Variants in CNTNAP2 observed in about 807,000 individuals in gnomAD.
CNTNAP2 encodes the protein contactin associated protein 2, also known as contactin-associated protein-like 2.
A neutral mutation model predicts 155.2 loss-of-function variants in CNTNAP2; 98 were observed. The observed-to-expected ratio is 0.63, with a 90% confidence interval of 0.54 to 0.75. CNTNAP2 has a LOEUF of 0.75. CNTNAP2 is among the 30% of genes least tolerant of loss of function. The pLI is 0.00. For synonymous variants in CNTNAP2, 651 were observed against 631.2 expected (o/e 1.03, Z -0.47); for missense variants, 1,727 against 1,688.1 (o/e 1.02, Z -0.40).
At chr7:148,061,477 C>A (rs1803128716) in intron 15 of CNTNAP2, among the ~76,000 whole-genome samples, 1 of 152,078 alleles carries the variant, frequency 6.6e-6, no homozygotes, top group Non-Finnish European at 1.5e-5. Flanking sequence ...CCTCAGTTTC[C>A]CAAGTAGCTG....
At chr7:148,242,167 C>A (rs894040681) in intron 20 of CNTNAP2, among the ~76,000 whole-genome samples, 1 of 152,176 alleles carries the variant, frequency 6.6e-6, no homozygotes, top group Non-Finnish European at 1.5e-5. Flanking sequence ...ACTGTTATAT[C>A]CATCTGCAGT....
intron 1 of CNTNAP2, among the ~76,000 whole-genome samples, chr7:146,729,671 T>A (rs1010080826): frequency 1.3e-5 from 2 of 152,098 alleles, no homozygotes; most frequent in African/African-American, 4.8e-5. Context: ...TAAATTACTA[T>A]CCCTTATGAT....
intron 3 of CNTNAP2, among the ~76,000 whole-genome samples, chr7:146,904,473 TG>T (rs1322845271): frequency 6.6e-5 from 10 of 151,506 alleles, no homozygotes; most frequent in Non-Finnish European, 1.5e-4. Flanking sequence ...AATTCATCTT[TG>T]TTTGTTTGTT....
chr7:146,245,083 C>T, intron 1 of CNTNAP2, among the ~76,000 whole-genome samples: 1 of 152,098 alleles, frequency 6.6e-6, no homozygotes, highest in Non-Finnish European at 1.5e-5. Flanking sequence ...TGTACTATAG[C>T]ATAGCCTGCC....
intron 13 of CNTNAP2, among the ~76,000 whole-genome samples, chr7:147,768,854 C>T (rs1423215217): frequency 4.5e-5 from 6 of 133,216 alleles, no homozygotes; most frequent in Non-Finnish European, 7.7e-5. Flanking sequence ...GGCAGATACT[C>T]TTAAAATTAG....
chr7:148,040,471 A>G (rs762487093), intron 15 of CNTNAP2, among the ~76,000 whole-genome samples: 2 of 152,182 alleles, frequency 1.3e-5, no homozygotes, highest in Middle Eastern at 3.2e-3. Flanking sequence ...ATATTTTTCA[A>G]CTTTCTAGGT....
intron 21 of CNTNAP2, among the ~76,000 whole-genome samples, chr7:148,290,100 T>G (rs1380305099): frequency 6.6e-6 from 1 of 152,218 alleles, no homozygotes; most frequent in Non-Finnish European, 1.5e-5. Context: ...AAGTCATATT[T>G]AAGTAGTCAC....
intron 4 of CNTNAP2, among the ~76,000 whole-genome samples, chr7:147,045,536 T>G (rs1799340267): frequency 6.6e-6 from 1 of 152,174 alleles, no homozygotes; most frequent in African/African-American, 2.4e-5. Context: ...GCAGATAAAA[T>G]TAGTAGAGAG....
intron 1 of CNTNAP2, among the ~76,000 whole-genome samples, chr7:146,372,912 T>C (rs1372909117): frequency 3.9e-5 from 6 of 152,362 alleles, no homozygotes; most frequent in African/African-American, 1.4e-4. Context: ...ACAAACCTTG[T>C]TCATTCAGAT....
chr7:146,483,280 AAAATATAT>A (rs1172099936), intron 1 of CNTNAP2, among the ~76,000 whole-genome samples: 7 of 54,470 alleles, frequency 1.3e-4, no homozygotes, highest in Admixed American at 7.7e-4. Flanking sequence ...CGTCTAAAAA[AAAATATAT>A]ATATATATAT....
chr7:147,067,088 C>G (rs755093302), intron 4 of CNTNAP2, among the ~76,000 whole-genome samples: 1 of 152,028 alleles, frequency 6.6e-6, no homozygotes, highest in Non-Finnish European at 1.5e-5. Flanking sequence ...GTCAAGAGAC[C>G]GAGGCCATCC....
intron 1 of CNTNAP2, among the ~76,000 whole-genome samples, chr7:146,139,047 C>T (rs1399768776): frequency 6.6e-6 from 1 of 152,104 alleles, no homozygotes; most frequent in Non-Finnish European, 1.5e-5. Context: ...ATGCTCAGAA[C>T]ACTGACATTA....
chr7:146,969,704 G>C (rs1486107389), intron 3 of CNTNAP2, among the ~76,000 whole-genome samples: 1 of 151,476 alleles, frequency 6.6e-6, no homozygotes, highest in Non-Finnish European at 1.5e-5. Flanking sequence ...GCCTATGTGT[G>C]TTTACTTTAA....
chr7:147,960,369 G>A (rs962296321), intron 14 of CNTNAP2, among the ~76,000 whole-genome samples: 23 of 152,282 alleles, frequency 1.5e-4, no homozygotes, highest in African/African-American at 3.8e-4. Context: ...GCAGCAAAAT[G>A]CAAAGGAACT....
rs143005461 is a variant in CNTNAP2 at position 146,448,456 on chromosome 7, A to G, written c.98-325815A>G. Among the ~76,000 whole-genome samples the G allele has an allele frequency of 3.1e-3, 475 of 151,794 alleles. 5 individuals carry two copies. The highest frequency in any genetic ancestry group is 0.011 in the African/African-American group (457 of 41,468). ...CTCTTTTATTAAATTCTTTGTTTAT[A>G]GAAGATTGCACTTACCGTTGCTCTG... On this transcript the variant is annotated intron_variant, in intron 1 of 23. Transcript: ENST00000361727.
At chr7:147,384,006 T>C (rs1268697016) in intron 9 of CNTNAP2, among the ~76,000 whole-genome samples, 1 of 152,112 alleles carries the variant, frequency 6.6e-6, no homozygotes, top group Non-Finnish European at 1.5e-5. Context: ...AATTTTAAAT[T>C]GACTGGTCTG....
chr7:147,482,976 G>A (rs929272685), intron 10 of CNTNAP2, among the ~76,000 whole-genome samples: 5 of 151,654 alleles, frequency 3.3e-5, no homozygotes, highest in Non-Finnish European at 5.9e-5. Flanking sequence ...AACCCAGGAG[G>A]CGGAGGTTGC....
chr7:147,899,645 G>A (rs1479798010), intron 13 of CNTNAP2, among the ~76,000 whole-genome samples: 1 of 152,144 alleles, frequency 6.6e-6, no homozygotes, highest in East Asian at 1.9e-4. Context: ...CGCACTTTGA[G>A]AGGCCAAGGC....
At chr7:146,451,193 A>G (rs184222102) in intron 1 of CNTNAP2, among the ~76,000 whole-genome samples, 3,566 of 152,192 alleles carry the variant, frequency 0.023, 60 homozygotes, top group Non-Finnish European at 0.035. Context: ...TGATCTGCCC[A>G]CCTTGGCCTC....
Sources: allele counts gnomAD v4.1 joint callset (sites outside exome capture counted in the v4.1 genomes callset), GRCh38; gene constraint gnomAD v4.1.1; transcripts MANE v1.5; gene names NCBI Gene and HGNC (gene_info 2026-07-23, HGNC 2026-07-21).